CTNNA2: variants seen among roughly 807,000 people sequenced by gnomAD.
CTNNA2 encodes the protein catenin alpha 2, also known as catenin alpha-2.
Under a neutral mutation model 101.0 loss-of-function variants are expected in CTNNA2, and 42 were observed. The observed-to-expected ratio is 0.42, with a 90% CI of 0.32 to 0.54. The LOEUF (loss-of-function observed/expected upper bound fraction) is 0.54, where lower values mean the gene tolerates loss of function less well. CTNNA2 is among the 20% of genes least tolerant of loss of function. CTNNA2 has a pLI of 0.14. For synonymous variants in CTNNA2, 450 were observed against 456.4 expected (o/e 0.99, Z 0.18); for missense variants, 871 against 1,223.1 (o/e 0.71, Z 4.29).
intron 4 of CTNNA2, among the ~76,000 whole-genome samples, chr2:79,433,363 G>A (rs1322190148): frequency 3.9e-5 from 6 of 152,184 alleles, no homozygotes; most frequent in Admixed American, 3.9e-4. Context: ...CAGCAAGTCA[G>A]ATCTCAGGTG....
At chr2:79,323,580 A>G (rs1372443298) in intron 3 of CTNNA2, among the ~76,000 whole-genome samples, 1 of 152,188 alleles carries the variant, frequency 6.6e-6, no homozygotes, top group African/African-American at 2.4e-5. Context: ...ACAGATCCAC[A>G]ATTTTTTTCT....
intron 6 of CTNNA2, among the ~76,000 whole-genome samples, chr2:79,879,061 A>G (rs1683233534): frequency 6.6e-6 from 1 of 152,142 alleles, no homozygotes; most frequent in Non-Finnish European, 1.5e-5. Context: ...TTCCAGCACT[A>G]TTTATTTAAT....
intron 12 of CTNNA2, among the ~76,000 whole-genome samples, chr2:80,557,797 A>T (rs750523248): frequency 6.6e-6 from 1 of 152,148 alleles, no homozygotes; most frequent in Non-Finnish European, 1.5e-5. Flanking sequence ...TAATATTTTA[A>T]CATAATTTTC....
chr2:79,779,481 A>C (rs1172846388), intron 3 of CTNNA2, among the ~76,000 whole-genome samples: 3 of 152,144 alleles, frequency 2.0e-5, no homozygotes, highest in Non-Finnish European at 4.4e-5. Flanking sequence ...TAATGGACAC[A>C]TGTCATTCTT....
At chr2:79,712,461 A>G (rs2104815356) in intron 2 of CTNNA2, among the ~76,000 whole-genome samples, 1 of 152,342 alleles carries the variant, frequency 6.6e-6, no homozygotes, top group Admixed American at 6.5e-5. Context: ...GTATGTATTA[A>G]GTTGTTTTTT....
At chr2:80,167,556 T>C (rs1461540064) in intron 7 of CTNNA2, among the ~76,000 whole-genome samples, 2 of 152,176 alleles carry the variant, frequency 1.3e-5, no homozygotes, top group Non-Finnish European at 2.9e-5. Flanking sequence ...AGTGAAAATA[T>C]GGAATTTGTT....
chr2:79,904,857 T>C (rs1258014814), intron 6 of CTNNA2, among the ~76,000 whole-genome samples: 1 of 152,190 alleles, frequency 6.6e-6, no homozygotes, highest in African/African-American at 2.4e-5. Flanking sequence ...ATAAGAGCAA[T>C]TTAAAAGTAG....
chr2:79,603,143 T>C (rs1677656259), intron 1 of CTNNA2, among the ~76,000 whole-genome samples: 1 of 151,900 alleles, frequency 6.6e-6, no homozygotes, highest in African/African-American at 2.4e-5. Flanking sequence ...ATCACATGCA[T>C]GGGAAAAAAA....
intron 4 of CTNNA2, among the ~76,000 whole-genome samples, chr2:79,404,934 T>A (rs1466393718): frequency 6.6e-6 from 1 of 152,094 alleles, no homozygotes; most frequent in Non-Finnish European, 1.5e-5. Flanking sequence ...TAAAGAACTC[T>A]ATTGAGATAT....
chr2:79,920,225 CA>C lies in CTNNA2; in HGVS notation c.1056+10433del, dbSNP rs1378150774. 2.6e-5 allele frequency among the ~76,000 whole-genome samples: 4 copies of C among 152,192 alleles called. No homozygotes were observed. The East Asian group carries it at 7.7e-4, about 29-fold the overall frequency. On this transcript the variant is annotated intron_variant, in intron 7 of 18. Transcript: ENST00000402739. ...AGAGTGAAACTCCATCTCAAAAAAACAAAAACAAAAACAAGTGTTCTTTCAT... is the reference window on the plus strand; with the variant it reads ...AGAGTGAAACTCCATCTCAAAAAAACAAAACAAAAACAAGTGTTCTTTCAT...
chr2:80,647,090 T>A (rs1420906476), intron 18 of CTNNA2, among the ~76,000 whole-genome samples: 2 of 152,032 alleles, frequency 1.3e-5, no homozygotes, highest in Non-Finnish European at 2.9e-5. Flanking sequence ...CTGTTAATAG[T>A]TAAATTGATA....
At chr2:80,446,076 G>C (rs1346699729) in intron 9 of CTNNA2, among the ~76,000 whole-genome samples, 1 of 152,174 alleles carries the variant, frequency 6.6e-6, no homozygotes, top group African/African-American at 2.4e-5. Flanking sequence ...ATAAATGTAT[G>C]GTGGTAGAGG....
chr2:79,718,065 T>A (rs1178147922), intron 2 of CTNNA2, among the ~76,000 whole-genome samples: 1 of 152,172 alleles, frequency 6.6e-6, no homozygotes, highest in East Asian at 1.9e-4. Context: ...GGGTCAGGTT[T>A]GATCTTTGGG....
chr2:79,696,404 A>G (rs141650834), intron 2 of CTNNA2, among the ~76,000 whole-genome samples: 53 of 152,206 alleles, frequency 3.5e-4, no homozygotes, highest in Non-Finnish European at 1.2e-4. Context: ...TGCAACAGCC[A>G]GAAGACTCTG....
At chr2:80,094,546 G>A (rs889116428) in intron 7 of CTNNA2, among the ~76,000 whole-genome samples, 26 of 152,318 alleles carry the variant, frequency 1.7e-4, no homozygotes, top group African/African-American at 6.3e-4. Flanking sequence ...TGTGAAGCAA[G>A]TCATTGGTAG....
chr2:79,583,415 A>G (rs1460988329), intron 1 of CTNNA2, among the ~76,000 whole-genome samples: 1 of 151,854 alleles, frequency 6.6e-6, no homozygotes, highest in East Asian at 1.9e-4. Context: ...TTTTAGTGTC[A>G]TTATGAATTC....
intron 11 of CTNNA2, among the ~76,000 whole-genome samples, chr2:80,546,575 C>T (rs1050846081): frequency 6.6e-6 from 1 of 152,160 alleles, no homozygotes; most frequent in African/African-American, 2.4e-5. Context: ...GCTTTGAGCA[C>T]TTGTCTATGA....
chr2:79,379,736 G>A (rs1678018597), intron 4 of CTNNA2, among the ~76,000 whole-genome samples: 1 of 152,116 alleles, frequency 6.6e-6, no homozygotes, highest in Non-Finnish European at 1.5e-5. Context: ...TTTTGGTAGA[G>A]AGACAGTGAT....
intron 7 of CTNNA2, among the ~76,000 whole-genome samples, chr2:80,015,621 C>A (rs1694090743): frequency 6.6e-6 from 1 of 152,150 alleles, no homozygotes; most frequent in Non-Finnish European, 1.5e-5. Flanking sequence ...ACTAGCTCTC[C>A]CCCTCCACCG....
Sources: gnomAD v4.1 joint callset for allele counts (sites outside exome capture counted in the v4.1 genomes callset) on GRCh38, gnomAD v4.1.1 for gene constraint, MANE v1.5 for transcripts, NCBI Gene and HGNC (gene_info 2026-07-23, HGNC 2026-07-21) for gene names.